The following JMJD1C variants were observed in gnomAD, a reference collection of about 807,000 sequenced individuals.
JMJD1C encodes the protein jumonji domain containing 1C.
A neutral mutation model predicts 245.3 loss-of-function variants in JMJD1C; 31 were observed. The ratio of observed to expected loss-of-function variants is 0.13; its 90% CI spans 0.09 to 0.17. The LOEUF (loss-of-function observed/expected upper bound fraction) is 0.17, where lower values mean the gene tolerates loss of function less well. JMJD1C is among the 10% of genes least tolerant of loss of function. The probability of loss-of-function intolerance (pLI) is 1.00; values close to 1 mark genes in which losing one functional copy is unlikely to be tolerated. For synonymous variants in JMJD1C, 1,057 were observed against 1,017.4 expected (o/e 1.04, Z -0.74); for missense variants, 2,691 against 3,000.2 (o/e 0.90, Z 2.41).
At chr10:63,515,844 A>G (rs1418468688) in intron 1 of JMJD1C, among the ~76,000 whole-genome samples, 2 of 152,186 alleles carry the variant, frequency 1.3e-5, no homozygotes, top group African/African-American at 2.4e-5. Flanking sequence ...TATACCCAAA[A>G]ATCAGACAAA....
intron 2 of JMJD1C, among the ~76,000 whole-genome samples, chr10:63,296,866 A>G (rs935655085): frequency 6.6e-6 from 1 of 152,006 alleles, no homozygotes; most frequent in Non-Finnish European, 1.5e-5. Context: ...AGGATAGACA[A>G]TTTTTTTTAA....
intron 1 of JMJD1C, among the ~76,000 whole-genome samples, chr10:63,463,029 G>A (rs1952905754): frequency 6.6e-6 from 1 of 151,918 alleles, no homozygotes; most frequent in African/African-American, 2.4e-5. Context: ...ACAGGTTTGT[G>A]GCACATGTCC....
chr10:63,295,043 A>ATT (rs1464377866), intron 2 of JMJD1C, among the ~76,000 whole-genome samples: 1 of 152,032 alleles, frequency 6.6e-6, no homozygotes, highest in African/African-American at 2.4e-5. Context: ...CAGCAATTAG[A>ATT]AGATAAAGAT....
chr10:63,424,670 C>G (rs1950334965), intron 1 of JMJD1C, among the ~76,000 whole-genome samples: 1 of 151,586 alleles, frequency 6.6e-6, no homozygotes, highest in South Asian at 2.1e-4. Context: ...CCATGCTTGG[C>G]CCAAAACCCA....
chr10:63,471,946 G>A (rs1257931620), intron 1 of JMJD1C, among the ~76,000 whole-genome samples: 1 of 152,124 alleles, frequency 6.6e-6, no homozygotes, highest in Admixed American at 6.5e-5. Flanking sequence ...GCTAAGGGAG[G>A]GGAATCACTT....
intron 1 of JMJD1C, among the ~76,000 whole-genome samples, chr10:63,391,076 G>A (rs997640053): frequency 6.6e-6 from 1 of 152,124 alleles, no homozygotes; most frequent in African/African-American, 2.4e-5. Context: ...AGAATAATGT[G>A]ACTGTGTATC....
chr10:63,273,895 A>T (rs1193123639), intron 2 of JMJD1C, among the ~76,000 whole-genome samples: 1 of 152,200 alleles, frequency 6.6e-6, no homozygotes, highest in Non-Finnish European at 1.5e-5. Context: ...TGAGAATCTT[A>T]TATGTACAAT....
intron 3 of JMJD1C, among the ~76,000 whole-genome samples, chr10:63,234,057 CCTAG>C (rs916640582): frequency 2.4e-4 from 36 of 151,920 alleles, no homozygotes; most frequent in African/African-American, 8.0e-4. Flanking sequence ...TCCATAGAAA[CCTAG>C]CTAATTTAGA....
intron 2 of JMJD1C, among the ~76,000 whole-genome samples, chr10:63,350,057 CA>C (rs1171134768): frequency 6.6e-6 from 1 of 152,044 alleles, no homozygotes; most frequent in Non-Finnish European, 1.5e-5. Flanking sequence ...TAAAAGAAGA[CA>C]AAAAGAATAA....
At position 63,474,069 on chromosome 10, in the gene JMJD1C, T is replaced by G. The variant is rs182354257; in HGVS notation, n.113+47669A>C. Among the ~76,000 whole-genome samples the G allele has an allele frequency of 2.2e-3, 333 of 150,996 alleles. 2 individuals carry two copies. The highest frequency in any genetic ancestry group is 7.6e-3 in the African/African-American group (313 of 41,164). The stretch of plus-strand genomic sequence containing the variant: ...AAAAAAAAGAAAAGAAAAAAAGAAA[T>G]AAATACACACTTGGTACACTAAAAA... On this transcript the variant is annotated intron_variant and non_coding_transcript_variant, in intron 1 of 3. Coordinates refer to the JMJD1C transcript ENST00000633035.
At chr10:63,464,729 G>A (rs1953069234) in intron 1 of JMJD1C, among the ~76,000 whole-genome samples, 1 of 151,966 alleles carries the variant, frequency 6.6e-6, no homozygotes, top group South Asian at 2.1e-4. Flanking sequence ...AATTCTGCAT[G>A]GCATTTAACA....
At chr10:63,336,579 TATAGA>T (rs1167253290) in intron 2 of JMJD1C, among the ~76,000 whole-genome samples, 3 of 152,170 alleles carry the variant, frequency 2.0e-5, no homozygotes, top group African/African-American at 7.2e-5. Context: ...CTTTAAAATC[TATAGA>T]ATAAATAAAA....
intron 1 of JMJD1C, among the ~76,000 whole-genome samples, chr10:63,452,012 T>A (rs1952099577): frequency 6.6e-6 from 1 of 152,138 alleles, no homozygotes; most frequent in African/African-American, 2.4e-5. Flanking sequence ...ACAGGAAAGC[T>A]TCAATAACAT....
At position 63,207,722 on chromosome 10, in the gene JMJD1C, T is replaced by C. The variant is rs1202960436; in HGVS notation, c.3947A>G (p.Asp1316Gly). 3 of 1,614,190 alleles carry C rather than the reference T, an allele frequency of 1.9e-6. No individual in the cohort carries two copies. The highest frequency in any genetic ancestry group is 1.7e-5 in the Admixed American group (1 of 60,024). The change falls in exon 10 of 26, where the codon GAT (aspartate) becomes GGT (glycine). Residue 1316 changes from aspartate (D) to glycine (G), a missense_variant. Coordinates refer to ENST00000399262, the MANE Select transcript of JMJD1C (RefSeq NM_032776.3). ...AGCTAACTGCATTGCTGGCATACTATCAGTTTTTGTACTAGAAGATGGACG... is the reference window on the plus strand; with the variant it reads ...AGCTAACTGCATTGCTGGCATACTACCAGTTTTTGTACTAGAAGATGGACG... ...IVRPSSSTKT[D>G]SMPAMQLASK... is the part of the protein sequence containing the mutation.
intron 1 of JMJD1C, among the ~76,000 whole-genome samples, chr10:63,504,896 C>T (rs1023632887): frequency 1.3e-5 from 2 of 152,136 alleles, no homozygotes; most frequent in Non-Finnish European, 2.9e-5. Context: ...TGGCACAAGC[C>T]TGCAGTCCCA....
chr10:63,427,279 C>CACG, intron 1 of JMJD1C: 8 of 328,346 alleles, frequency 2.4e-5, no homozygotes, highest in Non-Finnish European at 2.6e-5. Flanking sequence ...AACTCTGGAG[C>CACG]CCACTCCAGC....
intron 2 of JMJD1C, among the ~76,000 whole-genome samples, chr10:63,343,892 G>A (rs1474230324): frequency 6.6e-6 from 1 of 152,016 alleles, no homozygotes; most frequent in Non-Finnish European, 1.5e-5. Flanking sequence ...ACAAAAATTA[G>A]CCAGGTGTGG....
upstream of JMJD1C, chr10:63,466,139 A>AGGCGGCGGCGGC (rs3841602): frequency 4.3e-4 from 77 of 177,052 alleles, 6 homozygotes; most frequent in South Asian, 3.4e-3. Flanking sequence ...CCAGATCCAG[A>AGGCGGCGGCGGC]GGCGGCGGCG....
chr10:63,497,026 T>A (rs1304203193), intron 1 of JMJD1C, among the ~76,000 whole-genome samples: 6 of 152,154 alleles, frequency 3.9e-5, no homozygotes, highest in African/African-American at 1.2e-4. Context: ...GTACATGTTA[T>A]CCGAACATGT....
Sources: gnomAD v4.1 joint callset for allele counts (sites outside exome capture counted in the v4.1 genomes callset) on GRCh38, gnomAD v4.1.1 for gene constraint, MANE v1.5 for transcripts, NCBI Gene and HGNC (gene_info 2026-07-23, HGNC 2026-07-21) for gene names.